The following CEBPZ variants were observed in gnomAD, a reference collection of about 807,000 sequenced individuals.
CEBPZ encodes the protein CCAAT/enhancer-binding protein zeta.
Under a neutral mutation model 104.5 loss-of-function variants are expected in CEBPZ, and 78 were observed. The observed-to-expected ratio is 0.75, with a 90% confidence interval of 0.62 to 0.90. The LOEUF is 0.90. CEBPZ is among the 40% of genes least tolerant of loss of function. The pLI is 0.00. For missense variants in CEBPZ, 1,439 were observed against 1,233.5 expected, an observed-to-expected ratio of 1.17 and a Z score of -2.50; for synonymous variants, 470 against 427.0, an observed-to-expected ratio of 1.10 and a Z score of -1.24.
chr2:37,212,561 C>A, intron 10 of CEBPZ, 169 bp from the exon 11 acceptor site: 1 of 578,222 alleles, frequency 1.7e-6, no homozygotes, highest in South Asian at 2.3e-5. Flanking sequence ...GTATACAAAC[C>A]TGTGAAATAC....
intron 9 of CEBPZ, among the ~76,000 whole-genome samples, chr2:37,214,305 C>T (rs914996583): frequency 2.6e-5 from 4 of 152,054 alleles, no homozygotes. Flanking sequence ...ACCTAATTAA[C>T]CAGTCAACCA....
chr2:37,202,755 AC>A (rs769486051), intron 15 of CEBPZ, 28 bp downstream of exon 15: 2 of 1,373,736 alleles, frequency 1.5e-6, no homozygotes, highest in East Asian at 5.0e-5. Context: ...TATTTTTAAA[AC>A]ATCAATAAAA....
rs1487745611 is a variant in CEBPZ at position 37,222,532 on chromosome 2, G to A, written c.1913C>T (p.Ala638Val). 2 of 1,589,490 alleles carry A rather than the reference G, an allele frequency of 1.3e-6. No individual in the cohort carries two copies. The highest frequency in any genetic ancestry group is 8.5e-7 in the Non-Finnish European group (1 of 1,173,346). Residue 638 changes from alanine to valine, a missense_variant, in exon 4 of 16, where the codon GCA (alanine) becomes GTA (valine). Physicochemically the swap from Ala to Val is moderately conservative, Grantham distance 64. Transcript: ENST00000234170. ...TTTTTCCATGTCTTCATCATCATTT[G>A]CATCAATAAAATTTTCTTCATCATC... ...ESDDEENFID[A>V]NDDEDMEKFT...
At chr2:37,202,346 T>C (rs1198785776) in intron 15 of CEBPZ, 2 of 160,606 alleles carry the variant, frequency 1.2e-5, no homozygotes, top group Admixed American at 6.3e-5. Context: ...AAAAGGTCTT[T>C]CAAAAATATT....
rs556673704 is a variant in CEBPZ at position 37,225,306 on chromosome 2, T to C, written c.1650-1905A>G. On this transcript the variant is annotated intron_variant, in intron 2 of 15. Transcript: ENST00000234170. Reference sequence around the variant, plus strand: ...ATCTGTGTGACCTTGCCCAAATTATTGTATCTCACAGTGTGGGGAAAAGGA... The same window carrying C: ...ATCTGTGTGACCTTGCCCAAATTATCGTATCTCACAGTGTGGGGAAAAGGA... Among the ~76,000 whole-genome samples the C allele has an allele frequency of 8.5e-5, 13 of 152,312 alleles. No individual in the cohort carries two copies. The South Asian group carries it at 2.1e-3, about 24-fold the overall frequency.
At chr2:37,221,662 A>T (rs964677321) in intron 4 of CEBPZ, among the ~76,000 whole-genome samples, 1 of 152,262 alleles carries the variant, frequency 6.6e-6, no homozygotes, top group Non-Finnish European at 1.5e-5. Flanking sequence ...TTCTCAGTTT[A>T]GTCTTCAGGG....
intron 6 of CEBPZ, 50 bp downstream of exon 6, chr2:37,216,934 A>C: frequency 7.0e-7 from 1 of 1,430,862 alleles, no homozygotes; most frequent in Non-Finnish European, 9.8e-7. Context: ...GATTATCTAA[A>C]ATGATACTTT....
chr2:37,204,699 GTAAATTAATAAATCTGAA>G (rs1677469305), intron 13 of CEBPZ: 1 of 152,172 alleles, frequency 6.6e-6, no homozygotes. Context: ...TGATCAATTA[GTAAATTAATAAATCTGAA>G]TCAATTAATA....
chr2:37,223,312 A>G lies in CEBPZ; in HGVS notation c.1739T>C (p.Leu580Ser). 1 of 1,614,182 alleles carries G rather than the reference A, an allele frequency of 6.2e-7. No individual in the cohort carries two copies. Among genetic ancestry groups the G allele is most frequent in the Non-Finnish European group, 8.5e-7 (1 of 1,180,018 alleles). Residue 580 changes from leucine (L) to serine (S), a missense_variant, in exon 3 of 16, where the codon TTG (leucine) becomes TCG (serine). Leu to Ser is a moderately radical substitution (Grantham distance 145, BLOSUM62 -2). Coordinates refer to ENST00000234170, the MANE Select transcript of CEBPZ (RefSeq NM_005760.3). ...VYKSLKADIV[L>S]RRVKAFVKRL... is the part of the protein sequence containing the mutation. ...CTTCACAAAAGCCTTCACCCGGCGC[A>G]ACACAATGTCAGCTTTCAGAGATTT...
At chr2:37,220,521 C>T (rs1327639973) in intron 4 of CEBPZ, 48 bp from the exon 5 acceptor site, 12 of 974,458 alleles carry the variant, frequency 1.2e-5, no homozygotes, top group African/African-American at 1.7e-5. Context: ...TTCTTCCTAG[C>T]CCAAGAGGTC....
At chr2:37,222,344 C>T in intron 4 of CEBPZ, 36 bp downstream of exon 4, 1 of 1,463,780 alleles carries the variant, frequency 6.8e-7, no homozygotes, top group Non-Finnish European at 9.2e-7. Flanking sequence ...CAAAGAGAAA[C>T]AAACTCCCTA....
At position 37,216,329 on chromosome 2, in the gene CEBPZ, G is replaced by A. The variant is rs774128234; in HGVS notation, c.2298C>T (p.Pro766=). 2 of 1,613,572 alleles carry A rather than the reference G, an allele frequency of 1.2e-6. No individual in the cohort carries two copies. The highest frequency in any genetic ancestry group is 1.7e-6 in the Non-Finnish European group (2 of 1,179,758). ...LDRFVYRNPK[P]HKGKENTDSV... is the part of the protein sequence containing the mutation. ...ATAGAAGCATACCTTTGCCTTTATG[G>A]GGCTTTGGATTTCGGTATACAAATC... is the stretch of plus-strand genomic sequence containing the variant. Residue 766 remains proline (P), a synonymous_variant, in exon 7 of 16, where the codon CCC becomes CCT. Transcript: ENST00000234170.
At chr2:37,219,424 A>G (rs1664712485) in intron 5 of CEBPZ, among the ~76,000 whole-genome samples, 2 of 151,870 alleles carry the variant, frequency 1.3e-5, no homozygotes, top group South Asian at 4.1e-4. Flanking sequence ...TTAACTGCAC[A>G]TATGTGGCAG....
intron 6 of CEBPZ, 59 bp downstream of exon 6, chr2:37,216,925 A>T: frequency 7.4e-7 from 1 of 1,351,074 alleles, no homozygotes. Context: ...CCAATTATTG[A>T]TTATCTAAAA....
Position 37,202,841 on chromosome 2 carries a change from T to C in CEBPZ, c.2968A>G (p.Met990Val), listed in dbSNP as rs935282438. The change falls in exon 15 of 16, where the codon ATG becomes GTG. Residue 990 changes from methionine to valine, a missense_variant. Coordinates refer to ENST00000234170, the MANE Select transcript of CEBPZ (RefSeq NM_005760.3). ...CCAATGTTATCAAACTTGGATCCCATATTTTCATCCAATAGATGGCCAAAC... is the reference window on the plus strand; with the variant it reads ...CCAATGTTATCAAACTTGGATCCCACATTTTCATCCAATAGATGGCCAAAC... ...EEFGHLLDEN[M>V]GSKFDNIGMN... is the part of the protein sequence containing the mutation. 6.2e-7 allele frequency: 1 copy of C among 1,602,342 alleles called. No homozygotes were observed. The highest frequency in any genetic ancestry group is 8.5e-7 in the Non-Finnish European group (1 of 1,174,752).
chr2:37,217,134 A>C, intron 5 of CEBPZ, 97 bp from the exon 6 acceptor site: 5 of 982,786 alleles, frequency 5.1e-6, no homozygotes, highest in Middle Eastern at 2.8e-4. Context: ...GTGGTGGCTC[A>C]CACCTGTAAT....
intron 13 of CEBPZ, chr2:37,210,265 C>T (rs1392939209): frequency 6.6e-6 from 1 of 152,090 alleles, no homozygotes; most frequent in Non-Finnish European, 1.5e-5. Context: ...ATCTAGCAAT[C>T]CCACCACTGG....
intron 13 of CEBPZ, among the ~76,000 whole-genome samples, chr2:37,207,043 TAAA>T (rs1312677229): frequency 2.6e-5 from 4 of 151,984 alleles, no homozygotes; most frequent in Admixed American, 2.0e-4. Context: ...CAACAACAGT[TAAA>T]AAAGACAAAG....
intron 2 of CEBPZ, among the ~76,000 whole-genome samples, chr2:37,224,931 T>G (rs930956829): frequency 1.4e-4 from 21 of 152,186 alleles, no homozygotes; most frequent in Non-Finnish European, 2.8e-4. Context: ...TAGACTATGA[T>G]GTTAAATAGA....
Sources: allele counts gnomAD v4.1 joint callset (sites outside exome capture counted in the v4.1 genomes callset), GRCh38; gene constraint gnomAD v4.1.1; transcripts MANE v1.5; gene names NCBI Gene and HGNC (gene_info 2026-07-23, HGNC 2026-07-21).